The following CPA6 variants were observed in gnomAD, a reference collection of about 807,000 sequenced individuals.
CPA6 encodes carboxypeptidase B.
CPA6 carries 58 observed loss-of-function variants against 63.3 expected under a neutral mutation model. That is an observed-to-expected ratio of 0.92 (90% confidence interval 0.74 to 1.14). The LOEUF (loss-of-function observed/expected upper bound fraction) is 1.14. Among genes scored for constraint, CPA6 ranks in the 50% most tolerant of loss-of-function variants. The pLI is 0.00. For missense variants in CPA6, 565 were observed against 526.6 expected, an observed-to-expected ratio of 1.07 and a Z score of -0.71; for synonymous variants, 185 against 179.0, an observed-to-expected ratio of 1.03 and a Z score of -0.27.
chr8:67,696,147 C>A (rs746248560), intron 1 of CPA6, among the ~76,000 whole-genome samples: 16 of 152,110 alleles, frequency 1.1e-4, no homozygotes, highest in Non-Finnish European at 1.6e-4. Context: ...AATAGACATT[C>A]TTTTGAAGTC....
intron 2 of CPA6, among the ~76,000 whole-genome samples, chr8:67,590,923 C>T (rs900498853): frequency 1.3e-5 from 2 of 152,124 alleles, no homozygotes; most frequent in African/African-American, 4.8e-5. Flanking sequence ...GCTTTTGTTG[C>T]CATTGCTTTT....
chr8:67,486,892 G>A (rs1332886260), intron 6 of CPA6, among the ~76,000 whole-genome samples: 2 of 148,060 alleles, frequency 1.4e-5, no homozygotes, highest in African/African-American at 2.5e-5. Flanking sequence ...TTTTGGAGAC[G>A]TCTTGCTTTG....
intron 8 of CPA6, among the ~76,000 whole-genome samples, chr8:67,472,103 G>A (rs1430735034): frequency 6.6e-6 from 1 of 152,192 alleles, no homozygotes; most frequent in Non-Finnish European, 1.5e-5. Flanking sequence ...GTATTAGTAG[G>A]TAAGAGCTTT....
chr8:67,721,910 A>T (rs1817508425), intron 1 of CPA6, among the ~76,000 whole-genome samples: 2 of 152,202 alleles, frequency 1.3e-5, no homozygotes, highest in Admixed American at 1.3e-4. Flanking sequence ...ATGTAAATGG[A>T]CTGTAACCTA....
intron 2 of CPA6, among the ~76,000 whole-genome samples, chr8:67,595,605 G>A (rs1162842859): frequency 1.3e-5 from 2 of 152,318 alleles, no homozygotes; most frequent in East Asian, 1.9e-4. Context: ...CCCTCCCCCA[G>A]CCTTGCTGCC....
intron 6 of CPA6, among the ~76,000 whole-genome samples, chr8:67,493,154 A>G (rs1811641653): frequency 6.6e-6 from 1 of 152,210 alleles, no homozygotes; most frequent in African/African-American, 2.4e-5. Flanking sequence ...TGGGCTTAGT[A>G]GCTGTCTCAA....
At chr8:67,646,633 A>G (rs1325228576) in intron 1 of CPA6, among the ~76,000 whole-genome samples, 2 of 152,200 alleles carry the variant, frequency 1.3e-5, no homozygotes, top group African/African-American at 4.8e-5. Flanking sequence ...CATGAATAAG[A>G]TAAGAGGTAA....
intron 1 of CPA6, among the ~76,000 whole-genome samples, chr8:67,638,378 GA>G (rs1416704965): frequency 6.6e-6 from 1 of 151,400 alleles, no homozygotes; most frequent in East Asian, 1.9e-4. Flanking sequence ...GATTAGGAAT[GA>G]AATTCACCCT....
intron 2 of CPA6, among the ~76,000 whole-genome samples, chr8:67,619,567 G>A (rs993504440): frequency 2.6e-5 from 4 of 152,104 alleles, no homozygotes; most frequent in Non-Finnish European, 5.9e-5. Context: ...GATCCACATT[G>A]TGGGGAGCAC....
Position 67,508,295 on chromosome 8 carries a change from T to C in CPA6, c.534+1222A>G, listed in dbSNP as rs113418466. Among the ~76,000 whole-genome samples, 425 of 152,076 alleles carry C rather than the reference T, an allele frequency of 2.8e-3. 7 individuals carry two copies. Among genetic ancestry groups the C allele is most frequent in the African/African-American group, 9.4e-3 (390 of 41,498 alleles). On this transcript the variant is annotated intron_variant, in intron 5 of 10. Coordinates refer to ENST00000297770, the MANE Select transcript of CPA6 (RefSeq NM_020361.5). The stretch of plus-strand genomic sequence containing the variant: ...GCTTTTGGTGGTAATTTAAAGTGAA[T>C]GGTTAAAGGAGAGGAATTTAGGATG...
At chr8:67,706,497 A>C (rs549634258) in intron 1 of CPA6, among the ~76,000 whole-genome samples, 2 of 152,270 alleles carry the variant, frequency 1.3e-5, no homozygotes, top group South Asian at 4.1e-4. Context: ...AGAAATGGGA[A>C]TGTGGATTTT....
intron 2 of CPA6, among the ~76,000 whole-genome samples, chr8:67,570,524 T>A (rs962420783): frequency 1.1e-4 from 16 of 152,264 alleles, no homozygotes; most frequent in Admixed American, 9.2e-4. Flanking sequence ...AAGGGATACA[T>A]ATCACAAAAT....
intron 1 of CPA6, among the ~76,000 whole-genome samples, chr8:67,671,004 C>T (rs2128994337): frequency 6.6e-6 from 1 of 152,326 alleles, no homozygotes; most frequent in African/African-American, 2.4e-5. Flanking sequence ...TCTTTGTCCT[C>T]TGGACAATTC....
chr8:67,560,488 C>T (rs1197069124), intron 2 of CPA6, among the ~76,000 whole-genome samples: 1 of 152,036 alleles, frequency 6.6e-6, no homozygotes, highest in African/African-American at 2.4e-5. Flanking sequence ...GCACTGGTTC[C>T]CGTGATAGGG....
At chr8:67,552,797 A>AAAAAG (rs1563997430) in intron 2 of CPA6, among the ~76,000 whole-genome samples, 6 of 149,868 alleles carry the variant, frequency 4.0e-5, no homozygotes, top group African/African-American at 9.7e-5. Context: ...AAAAAAAAAA[A>AAAAAG]AAAAGAAAAG....
At chr8:67,551,733 T>C (rs570024553) in intron 2 of CPA6, among the ~76,000 whole-genome samples, 78 of 152,352 alleles carry the variant, frequency 5.1e-4, no homozygotes, top group African/African-American at 1.7e-3. Flanking sequence ...CACAGAACTT[T>C]CACCTCCTTG....
At chr8:67,644,028 C>T (rs1380608332) in intron 1 of CPA6, among the ~76,000 whole-genome samples, 1 of 152,086 alleles carries the variant, frequency 6.6e-6, no homozygotes, top group Non-Finnish European at 1.5e-5. Flanking sequence ...AGACATCTTC[C>T]ACTCTTCATA....
At chr8:67,445,199 C>A (rs1012205469) in intron 8 of CPA6, among the ~76,000 whole-genome samples, 1 of 151,234 alleles carries the variant, frequency 6.6e-6, no homozygotes, top group Non-Finnish European at 1.5e-5. Context: ...CTAGAGGTAA[C>A]CTTGGGGATA....
chr8:67,723,119 T>C (rs1817532847), intron 1 of CPA6, among the ~76,000 whole-genome samples: 1 of 152,188 alleles, frequency 6.6e-6, no homozygotes, highest in South Asian at 2.1e-4. Flanking sequence ...TTCTTTGTAA[T>C]AGCCTCATAA....
Sources: gnomAD v4.1 joint callset for allele counts (sites outside exome capture counted in the v4.1 genomes callset) on GRCh38, gnomAD v4.1.1 for gene constraint, MANE v1.5 for transcripts, NCBI Gene and HGNC (gene_info 2026-07-23, HGNC 2026-07-21) for gene names.